Variants in RALGAPA2 observed in about 807,000 individuals in gnomAD.
RALGAPA2 encodes the protein Ral GTPase activating protein catalytic subunit alpha 2, also known as ral GTPase-activating protein subunit alpha-2.
Under a neutral mutation model 230.4 loss-of-function variants are expected in RALGAPA2, and 139 were observed. The observed-to-expected ratio is 0.60, with a 90% CI of 0.53 to 0.69. The LOEUF (loss-of-function observed/expected upper bound fraction) is 0.69. Ranked by LOEUF, RALGAPA2 falls within the 30% of genes least tolerant of loss-of-function variation. The pLI is 0.00. For synonymous variants in RALGAPA2, 847 were observed against 837.8 expected, an observed-to-expected ratio of 1.01 and a Z score of -0.19; for missense variants, 2,163 against 2,276.0, an observed-to-expected ratio of 0.95 and a Z score of 1.01.
At position 20,522,261 on chromosome 20, in the gene RALGAPA2, A is replaced by C. The variant is rs1159305963; in HGVS notation, c.3901-1161T>G. Among the ~76,000 whole-genome samples, 5 of 152,324 alleles carry C rather than the reference A, an allele frequency of 3.3e-5. No individual in the cohort carries two copies. The South Asian group carries it at 8.3e-4, about 25-fold the overall frequency. On this transcript the variant is annotated intron_variant, in intron 30 of 39. Coordinates refer to ENST00000202677, the MANE Select transcript of RALGAPA2 (RefSeq NM_020343.4). ...CATACGTATATGTACAAAAAAAAAA[A>C]AAAAACCTTGAATATTCACATTTTA...
intron 31 of RALGAPA2, among the ~76,000 whole-genome samples, chr20:20,519,267 C>G (rs185021466): frequency 6.6e-6 from 1 of 152,330 alleles, no homozygotes; most frequent in Admixed American, 6.5e-5. Flanking sequence ...AAAATCAGGA[C>G]TGCTAGATTT....
At chr20:20,563,639 C>G (rs561688694) in intron 23 of RALGAPA2, among the ~76,000 whole-genome samples, 1 of 152,272 alleles carries the variant, frequency 6.6e-6, no homozygotes, top group South Asian at 2.1e-4. Flanking sequence ...AGACATGAGT[C>G]GAAACTTACA....
chr20:20,643,778 T>C (rs1018438165), intron 4 of RALGAPA2, among the ~76,000 whole-genome samples: 2 of 152,166 alleles, frequency 1.3e-5, no homozygotes, highest in Non-Finnish European at 2.9e-5. Flanking sequence ...ATGACTGATA[T>C]TAAGGTAAGC....
intron 26 of RALGAPA2, among the ~76,000 whole-genome samples, chr20:20,535,408 C>T (rs1477561609): frequency 3.3e-5 from 5 of 152,168 alleles, no homozygotes; most frequent in Non-Finnish European, 5.9e-5. Flanking sequence ...AGAGTCACTA[C>T]CCTACACATA....
chr20:20,610,589 T>C (rs1334354685), intron 14 of RALGAPA2, among the ~76,000 whole-genome samples: 1 of 152,132 alleles, frequency 6.6e-6, no homozygotes, highest in Non-Finnish European at 1.5e-5. Context: ...AAACATACTT[T>C]AGTACCACCC....
At chr20:20,646,333 T>C (rs2067214561) in intron 4 of RALGAPA2, among the ~76,000 whole-genome samples, 1 of 152,220 alleles carries the variant, frequency 6.6e-6, no homozygotes, top group African/African-American at 2.4e-5. Context: ...CCTCTGTAGG[T>C]ATTTTTTAAG....
chr20:20,465,084 CTTCTGTTT>C (rs1252438974), intron 37 of RALGAPA2, among the ~76,000 whole-genome samples: 1 of 148,140 alleles, frequency 6.8e-6, no homozygotes, highest in Non-Finnish European at 1.5e-5. Context: ...TTACTTTTGG[CTTCTGTTT>C]TCCAAAATGT....
At chr20:20,528,492 T>C (rs1458784127) in intron 27 of RALGAPA2, among the ~76,000 whole-genome samples, 1 of 152,060 alleles carries the variant, frequency 6.6e-6, no homozygotes, top group Non-Finnish European at 1.5e-5. Flanking sequence ...GAAGTACAGC[T>C]GGCAGGACTC....
At position 20,653,552 on chromosome 20, in the gene RALGAPA2, A is replaced by C; in HGVS notation, c.306T>G (p.Phe102Leu). 2.7e-6 allele frequency: 4 copies of C among 1,502,056 alleles called. No homozygotes were observed. Among genetic ancestry groups the C allele is most frequent in the Non-Finnish European group, 3.6e-6 (4 of 1,105,848 alleles). The allele number at this position is 1,502,056 out of a possible 1,614,324, so 93.0% of individuals were successfully genotyped here. The change falls in exon 4 of 40, where the codon TTT becomes TTG. Residue 102 changes from phenylalanine (F) to leucine (L), a missense_variant. Coordinates refer to ENST00000202677, the MANE Select transcript of RALGAPA2 (RefSeq NM_020343.4). Reference protein sequence around the residue: ...ILQFLPERIFFRWHYQSIGST... With the variant: ...ILQFLPERIFLRWHYQSIGST... ...TACCTATACTCTGGTAATGCCATCG[A>C]AAGAAAATTCGTTCAGGTAGAAACT...
At position 20,390,926 on chromosome 20, in the gene RALGAPA2, G is replaced by A. The variant is rs2059592576; in HGVS notation, c.*2363C>T. ...AATCCTCAGGGGTTACAGGAGGGTT[G>A]AGTTATTTGCTGCCTACAATTGAAT... On this transcript the variant is annotated 3_prime_UTR_variant, in exon 40 of 40. Coordinates refer to ENST00000202677, the MANE Select transcript of RALGAPA2 (RefSeq NM_020343.4). 6.6e-6 allele frequency: 1 copy of A among 152,116 alleles called. No homozygotes were observed. The highest frequency in any genetic ancestry group is 1.5e-5 in the Non-Finnish European group (1 of 67,994). The allele number at this position is 152,116 out of a possible 1,614,324, so 9.4% of individuals were successfully genotyped here.
rs1555833907 is a variant in RALGAPA2, at chr20:20,712,603, T to TGCTGCC, written c.-124_-123insGGCAGC. 4.7e-5 allele frequency: 55 copies of TGCTGCC among 1,179,262 alleles called. No homozygotes were observed. The highest frequency in any genetic ancestry group is 3.3e-4 in the African/African-American group (20 of 61,526). The allele number at this position is 1,179,262 out of a possible 1,614,324, so 73.0% of individuals were successfully genotyped here. On this transcript the variant is annotated 5_prime_UTR_variant, in exon 1 of 40. Coordinates refer to ENST00000202677, the MANE Select transcript of RALGAPA2 (RefSeq NM_020343.4). The surrounding 1 kb of genome is among the most constrained non-coding windows in gnomAD (Gnocchi z 5.5). ...CACTCGCCGCCCCCAGCCCCGCTGC[T>TGCTGCC]GCCGCCGCCGCCGCCGCCGCCGCCG...
At chr20:20,441,192 C>T (rs570315009) in intron 37 of RALGAPA2, among the ~76,000 whole-genome samples, 1 of 152,236 alleles carries the variant, frequency 6.6e-6, no homozygotes, top group African/African-American at 2.4e-5. Context: ...TTCCAATTTT[C>T]TTTTGCAAGA....
rs1471084743 is a variant in RALGAPA2, at chr20:20,392,849, A to G, written c.*440T>C. 3 of 253,976 alleles carry G rather than the reference A, an allele frequency of 1.2e-5. No homozygotes were observed. The highest frequency in any genetic ancestry group is 2.3e-5 in the Non-Finnish European group (3 of 127,686). 15.7% of individuals were successfully genotyped at this position (253,976 alleles called of 1,614,324 possible). A position where few individuals can be genotyped will look rare whatever the true frequency, so the allele number is the denominator to read the frequency against. Reference sequence around the variant, plus strand: ...TTGGGTTCATAAATGAGAAGAAACAACTTGGGGTGCAGAAGCAAGCTGCCC... The same window carrying G: ...TTGGGTTCATAAATGAGAAGAAACAGCTTGGGGTGCAGAAGCAAGCTGCCC... On this transcript the variant is annotated 3_prime_UTR_variant, in exon 40 of 40. Coordinates refer to ENST00000202677, the MANE Select transcript of RALGAPA2 (RefSeq NM_020343.4).
At position 20,584,910 on chromosome 20, in the gene RALGAPA2, C is replaced by A. The variant is rs1274683394; in HGVS notation, c.2485G>T (p.Asp829Tyr). Residue 829 changes from aspartate to tyrosine, a missense_variant, in exon 19 of 40, where the codon GAT becomes TAT. Coordinates refer to ENST00000202677, the MANE Select transcript of RALGAPA2 (RefSeq NM_020343.4). Reference protein sequence around the residue: ...SSSPAELDLKDDLQQTQGKCR... With the variant: ...SSSPAELDLKYDLQQTQGKCR... ...TTTCCTTGTGTCTGCTGCAAATCAT[C>A]TTTCAAATCCAATTCAGCAGGGCTG... The A allele has an allele frequency of 1.9e-6, 3 of 1,611,894 alleles. No individual in the cohort carries two copies. Among genetic ancestry groups the A allele is most frequent in the Non-Finnish European group, 1.7e-6 (2 of 1,178,820 alleles).
rs957511042 is a variant in RALGAPA2 at position 20,559,582 on chromosome 20, G to A, written c.3156+11876C>T. Among the ~76,000 whole-genome samples the A allele has an allele frequency of 3.3e-5, 5 of 152,122 alleles. No homozygotes were observed. In the East Asian group the frequency reaches 9.6e-4, roughly 29 times the overall value. On this transcript the variant is annotated intron_variant, in intron 23 of 39. Transcript: ENST00000202677. Reference sequence around the variant, plus strand: ...CCTCTAAATGGTGGACAAATAGCTTGCTGCTTCAAATTCTAGGAATACTTA... The same window carrying A: ...CCTCTAAATGGTGGACAAATAGCTTACTGCTTCAAATTCTAGGAATACTTA...
At chr20:20,691,000 T>A (rs529439834) in intron 1 of RALGAPA2, among the ~76,000 whole-genome samples, 2 of 152,288 alleles carry the variant, frequency 1.3e-5, no homozygotes, top group South Asian at 4.1e-4. Flanking sequence ...ATATATATGA[T>A]GCCTGACTCC....
At chr20:20,614,623 T>G (rs1309345308) in intron 13 of RALGAPA2, among the ~76,000 whole-genome samples, 2 of 152,238 alleles carry the variant, frequency 1.3e-5, no homozygotes, top group African/African-American at 4.8e-5. Flanking sequence ...CATTGGAATC[T>G]ACATCATAGT....
At chr20:20,401,542 G>A (rs192724738) in intron 38 of RALGAPA2, among the ~76,000 whole-genome samples, 6 of 152,154 alleles carry the variant, frequency 3.9e-5, no homozygotes, top group Admixed American at 1.3e-4. Flanking sequence ...AGTGACCGGG[G>A]CAGTGAGGTG....
At chr20:20,670,754 C>A (rs1169208512) in intron 3 of RALGAPA2, among the ~76,000 whole-genome samples, 1 of 151,792 alleles carries the variant, frequency 6.6e-6, no homozygotes, top group Admixed American at 6.6e-5. Context: ...TCAAGACCAG[C>A]CTGGCCAACA....
Sources: allele counts gnomAD v4.1 joint callset (sites outside exome capture counted in the v4.1 genomes callset), GRCh38; gene constraint gnomAD v4.1.1; non-coding constraint Gnocchi (gnomAD v3.1); transcripts MANE v1.5; gene names NCBI Gene and HGNC (gene_info 2026-07-23, HGNC 2026-07-21).